Variants in RASSF3 observed in about 807,000 individuals in gnomAD.
The protein encoded by RASSF3 is ras association domain-containing protein 3.
A neutral mutation model predicts 19.9 loss-of-function variants in RASSF3; 19 were observed. That is an observed-to-expected ratio of 0.96 (90% CI 0.67 to 1.40). The LOEUF (loss-of-function observed/expected upper bound fraction) is 1.40, where lower values mean the gene tolerates loss of function less well. Among genes scored for constraint, RASSF3 ranks in the 40% most tolerant of loss-of-function variants. RASSF3 has a pLI of 0.00. For missense variants in RASSF3, 306 were observed against 289.8 expected (o/e 1.06, Z -0.41); for synonymous variants, 110 against 104.2 (o/e 1.06, Z -0.34).
Position 64,664,229 on chromosome 12 carries a change from A to G in RASSF3, c.112-20558A>G, listed in dbSNP as rs372918464. ...TTGGAGTGGTACTATGAAGGTACAG[A>G]GAATAGAGAATGCCCATCTCAGTAC... On this transcript the variant is annotated intron_variant, in intron 1 of 4. Transcript: ENST00000542104. 3.3e-5 allele frequency among the ~76,000 whole-genome samples: 5 copies of G among 152,314 alleles called. No individual in the cohort carries two copies. The South Asian group carries it at 6.2e-4, about 19-fold the overall frequency.
chr12:64,612,249 C>T (rs368594867), intron 1 of RASSF3, among the ~76,000 whole-genome samples: 2 of 152,032 alleles, frequency 1.3e-5, no homozygotes, highest in Admixed American at 1.3e-4. Flanking sequence ...GCATTTTCTC[C>T]TTTCATTTAT....
intron 1 of RASSF3, among the ~76,000 whole-genome samples, chr12:64,656,239 G>T (rs932271753): frequency 6.6e-6 from 1 of 152,134 alleles, no homozygotes; most frequent in Non-Finnish European, 1.5e-5. Context: ...TGTGGGACAT[G>T]TAGGAGTATA....
At chr12:64,546,826 A>G (rs1332940190) in intron 2 of RASSF3, among the ~76,000 whole-genome samples, 1 of 152,220 alleles carries the variant, frequency 6.6e-6, no homozygotes, top group African/African-American at 2.4e-5. Context: ...TCAAGCACTG[A>G]TAGAGCGATA....
At chr12:64,599,823 G>C (rs182555522) in intron 2 of RASSF3, among the ~76,000 whole-genome samples, 2 of 151,910 alleles carry the variant, frequency 1.3e-5, no homozygotes, top group African/African-American at 4.8e-5. Context: ...ACGAGGTCAG[G>C]AGATCGAGAC....
chr12:64,689,214 A>G (rs1873478985), intron 3 of RASSF3, among the ~76,000 whole-genome samples: 1 of 107,262 alleles, frequency 9.3e-6, no homozygotes, highest in Non-Finnish European at 2.1e-5. Context: ...TGCGATTTGA[A>G]ATCGGGGTGT....
chr12:64,692,387 A>G (rs1273274936), intron 4 of RASSF3, among the ~76,000 whole-genome samples: 2 of 152,224 alleles, frequency 1.3e-5, no homozygotes, highest in Non-Finnish European at 2.9e-5. Context: ...TTTAGCCCTC[A>G]GTTTTAAAAT....
chr12:64,560,828 C>G (rs923983268), intron 2 of RASSF3, among the ~76,000 whole-genome samples: 1 of 152,140 alleles, frequency 6.6e-6, no homozygotes, highest in Non-Finnish European at 1.5e-5. Flanking sequence ...AGCCTTCAGA[C>G]GCAAAGCAGG....
intron 1 of RASSF3, among the ~76,000 whole-genome samples, chr12:64,684,032 G>GTGTGTGTA (rs1472208102): frequency 6.6e-6 from 1 of 151,122 alleles, no homozygotes; most frequent in African/African-American, 2.4e-5. Context: ...GTGTGTGTGT[G>GTGTGTGTA]TGTGTTTCAA....
chr12:64,643,390 C>G (rs186718051), intron 1 of RASSF3, among the ~76,000 whole-genome samples: 4 of 152,012 alleles, frequency 2.6e-5, no homozygotes. Flanking sequence ...TGTATAGAAG[C>G]CGGTGAGGTG....
chr12:64,673,774 G>A (rs754664751), intron 1 of RASSF3, among the ~76,000 whole-genome samples: 4 of 151,658 alleles, frequency 2.6e-5, no homozygotes, highest in Non-Finnish European at 5.9e-5. Context: ...AGAAATGAAC[G>A]GCATCTTAAT....
intron 1 of RASSF3, among the ~76,000 whole-genome samples, chr12:64,510,260 C>T (rs568251646): frequency 6.6e-6 from 1 of 152,242 alleles, no homozygotes; most frequent in Non-Finnish European, 1.5e-5. Flanking sequence ...ATTTGCTTTA[C>T]TGAATTGACT....
intron 2 of RASSF3, among the ~76,000 whole-genome samples, chr12:64,558,354 A>T (rs549790807): frequency 6.6e-6 from 1 of 152,112 alleles, no homozygotes; most frequent in Admixed American, 6.5e-5. Flanking sequence ...GTTGATCGGT[A>T]CCTTTTCCAT....
At chr12:64,557,845 G>A (rs1869279242) in intron 2 of RASSF3, among the ~76,000 whole-genome samples, 1 of 152,092 alleles carries the variant, frequency 6.6e-6, no homozygotes, top group Admixed American at 6.5e-5. Flanking sequence ...TATGACCAGT[G>A]GATCCCATGG....
chr12:64,598,297 T>C (rs1870029426), intron 2 of RASSF3, among the ~76,000 whole-genome samples: 1 of 152,226 alleles, frequency 6.6e-6, no homozygotes, highest in Admixed American at 6.5e-5. Flanking sequence ...GATTGGGTAA[T>C]CACAGTCTGT....
chr12:64,651,011 A>C (rs541684026), intron 1 of RASSF3, among the ~76,000 whole-genome samples: 3 of 152,186 alleles, frequency 2.0e-5, no homozygotes, highest in African/African-American at 7.2e-5. Flanking sequence ...GTGGTTTCCA[A>C]GATCTGTTTG....
chr12:64,594,425 G>T (rs1869968660), intron 2 of RASSF3, among the ~76,000 whole-genome samples: 1 of 151,994 alleles, frequency 6.6e-6, no homozygotes, highest in Non-Finnish European at 1.5e-5. Flanking sequence ...CACCAATAAA[G>T]TTTTTAATCT....
chr12:64,659,223 G>C (rs1359681974), intron 1 of RASSF3, among the ~76,000 whole-genome samples: 1 of 152,188 alleles, frequency 6.6e-6, no homozygotes, highest in Non-Finnish European at 1.5e-5. Context: ...TTTACTTGGT[G>C]GGAGGAGGTG....
intron 1 of RASSF3, among the ~76,000 whole-genome samples, chr12:64,514,188 CTTTT>C (rs138925359): frequency 2.6e-5 from 2 of 77,988 alleles, no homozygotes; most frequent in African/African-American, 1.3e-4. Flanking sequence ...CGCTCAGCCT[CTTTT>C]TTTTTTTTTT....
intron 1 of RASSF3, among the ~76,000 whole-genome samples, chr12:64,624,953 C>T (rs1158038430): frequency 3.3e-5 from 5 of 152,074 alleles, no homozygotes; most frequent in African/African-American, 1.2e-4. Flanking sequence ...AGGCGTGAGC[C>T]ACCGCGCCTG....
Sources: gnomAD v4.1 joint callset for allele counts (sites outside exome capture counted in the v4.1 genomes callset) on GRCh38, gnomAD v4.1.1 for gene constraint, MANE v1.5 for transcripts, NCBI Gene and HGNC (gene_info 2026-07-23, HGNC 2026-07-21) for gene names.